The following FMNL2 variants were observed in gnomAD, a reference collection of about 807,000 sequenced individuals.
FMNL2 encodes the protein formin like 2.
Under a neutral mutation model 130.2 loss-of-function variants are expected in FMNL2, and 51 were observed. The ratio of observed to expected loss-of-function variants is 0.39; its 90% CI spans 0.31 to 0.49. The LOEUF is 0.49. Ranked by LOEUF, FMNL2 falls within the 20% of genes least tolerant of loss-of-function variation. FMNL2 has a pLI of 0.85. For synonymous variants in FMNL2, 465 were observed against 467.1 expected (o/e 1.00, Z 0.06); for missense variants, 977 against 1,316.2 (o/e 0.74, Z 3.99).
chr2:152,339,528 T>A (rs1183309811), intron 1 of FMNL2, among the ~76,000 whole-genome samples: 4 of 152,356 alleles, frequency 2.6e-5, no homozygotes, highest in African/African-American at 9.6e-5. Flanking sequence ...TGAAGAGCTA[T>A]CCTTAAAATT....
At chr2:152,579,447 C>G (rs186853330) in intron 8 of FMNL2, among the ~76,000 whole-genome samples, 83 of 152,340 alleles carry the variant, frequency 5.4e-4, no homozygotes, top group Non-Finnish European at 9.7e-4. Flanking sequence ...CCTGTAATCT[C>G]AGCACTTTGG....
intron 2 of FMNL2, among the ~76,000 whole-genome samples, chr2:152,525,893 A>G (rs1371724664): frequency 1.3e-5 from 2 of 152,208 alleles, no homozygotes; most frequent in African/African-American, 4.8e-5. Flanking sequence ...GACCCATACC[A>G]TATACATGTA....
intron 6 of FMNL2, among the ~76,000 whole-genome samples, chr2:152,572,844 A>G (rs1349506096): frequency 4.6e-5 from 7 of 152,080 alleles, no homozygotes; most frequent in Non-Finnish European, 1.0e-4. Context: ...AATTAAAGCA[A>G]AGAAACCAAA....
chr2:152,490,910 C>T (rs964308154), intron 1 of FMNL2, among the ~76,000 whole-genome samples: 10 of 151,986 alleles, frequency 6.6e-5, no homozygotes, highest in Non-Finnish European at 1.3e-4. Context: ...CGGGAAAAAA[C>T]ATCATCTTCA....
chr2:152,527,031 T>C (rs1693428489), intron 2 of FMNL2, among the ~76,000 whole-genome samples: 1 of 152,142 alleles, frequency 6.6e-6, no homozygotes, highest in South Asian at 2.1e-4. Flanking sequence ...TGGCCATGTA[T>C]TCCTTAAATT....
chr2:152,351,296 T>C (rs1682469162), intron 1 of FMNL2, among the ~76,000 whole-genome samples: 1 of 152,172 alleles, frequency 6.6e-6, no homozygotes, highest in South Asian at 2.1e-4. Context: ...CAACCTGTCA[T>C]CTAGGTTTTA....
chr2:152,384,487 A>G (rs1271857117), intron 1 of FMNL2, among the ~76,000 whole-genome samples: 1 of 152,090 alleles, frequency 6.6e-6, no homozygotes, highest in African/African-American at 2.4e-5. Flanking sequence ...GTGGGGAGAT[A>G]TGGTCCATTT....
chr2:152,477,040 A>G (rs964867357), intron 1 of FMNL2, among the ~76,000 whole-genome samples: 20 of 152,316 alleles, frequency 1.3e-4, no homozygotes, highest in African/African-American at 4.3e-4. Context: ...TTGGTTTTCA[A>G]TGCATGAAAA....
At chr2:152,358,698 G>T (rs1243631917) in intron 1 of FMNL2, among the ~76,000 whole-genome samples, 1 of 151,902 alleles carries the variant, frequency 6.6e-6, no homozygotes, top group Non-Finnish European at 1.5e-5. Context: ...TATTAGTTCT[G>T]TTCCTTTAGA....
At chr2:152,469,751 T>A (rs1689754046) in intron 1 of FMNL2, among the ~76,000 whole-genome samples, 1 of 152,190 alleles carries the variant, frequency 6.6e-6, no homozygotes, top group South Asian at 2.1e-4. Context: ...CTGGTTATAA[T>A]TTTTTTAAAA....
chr2:152,580,739 T>C (rs1301800614), intron 8 of FMNL2, among the ~76,000 whole-genome samples: 1 of 152,230 alleles, frequency 6.6e-6, no homozygotes, highest in Non-Finnish European at 1.5e-5. Context: ...TTTGTCTTTT[T>C]GGTAAGTATA....
chr2:152,423,820 T>C (rs1260486530), intron 1 of FMNL2, among the ~76,000 whole-genome samples: 2 of 152,056 alleles, frequency 1.3e-5, no homozygotes, highest in South Asian at 2.1e-4. Context: ...AAAAGGTCCT[T>C]GGTGAAGGTC....
chr2:152,506,878 T>C (rs918637734), intron 1 of FMNL2, among the ~76,000 whole-genome samples: 1 of 152,228 alleles, frequency 6.6e-6, no homozygotes, highest in African/African-American at 2.4e-5. Context: ...GCATAATTAC[T>C]TATCAATATG....
At chr2:152,357,051 GATAAATATTACA>G in intron 1 of FMNL2, among the ~76,000 whole-genome samples, 1 of 142,834 alleles carries the variant, frequency 7.0e-6, no homozygotes, top group Non-Finnish European at 1.5e-5. Flanking sequence ...AATATATCAC[GATAAATATTACA>G]TAAGTTTAAT....
At chr2:152,471,159 A>G (rs1689838373) in intron 1 of FMNL2, among the ~76,000 whole-genome samples, 1 of 152,106 alleles carries the variant, frequency 6.6e-6, no homozygotes, top group Admixed American at 6.5e-5. Context: ...TAAAGAAAAA[A>G]AAAAAAAGCA....
intron 9 of FMNL2, among the ~76,000 whole-genome samples, chr2:152,598,199 C>T (rs1411075787): frequency 6.6e-6 from 1 of 152,188 alleles, no homozygotes; most frequent in Admixed American, 6.5e-5. Flanking sequence ...ATGCGATAAC[C>T]CCTAGAGATG....
intron 1 of FMNL2, among the ~76,000 whole-genome samples, chr2:152,386,419 T>C (rs1379328686): frequency 6.6e-6 from 1 of 152,222 alleles, no homozygotes; most frequent in Non-Finnish European, 1.5e-5. Flanking sequence ...TCCCTGAGAA[T>C]GTTTTACCAT....
At chr2:152,615,027 T>C (rs373535252) in intron 12 of FMNL2, 27 bp downstream of exon 12, 10 of 1,603,066 alleles carry the variant, frequency 6.2e-6, no homozygotes, top group Admixed American at 1.8e-5. Flanking sequence ...AAAGGAAAAA[T>C]TGCTTACATT....
intron 15 of FMNL2, among the ~76,000 whole-genome samples, chr2:152,622,227 T>C (rs1003081861): frequency 2.0e-5 from 3 of 152,140 alleles, no homozygotes; most frequent in African/African-American, 7.2e-5. Context: ...GGACTTTGGT[T>C]GATTGTTTTT....
Sources: gnomAD v4.1 joint callset for allele counts (sites outside exome capture counted in the v4.1 genomes callset) on GRCh38, gnomAD v4.1.1 for gene constraint, MANE v1.5 for transcripts, NCBI Gene and HGNC (gene_info 2026-07-23, HGNC 2026-07-21) for gene names.